Variants in TMPRSS15 observed in about 807,000 individuals in gnomAD.
The protein encoded by TMPRSS15 is enteropeptidase.
TMPRSS15 carries 128 observed loss-of-function variants against 125.3 expected under a neutral mutation model. The ratio of observed to expected loss-of-function variants is 1.02; its 90% CI spans 0.89 to 1.18. The LOEUF (loss-of-function observed/expected upper bound fraction) is 1.18, where lower values mean the gene tolerates loss of function less well. TMPRSS15 is among the 50% of genes most tolerant of loss of function. The probability of loss-of-function intolerance (pLI) is 0.00; values close to 1 mark genes in which losing one functional copy is unlikely to be tolerated. For synonymous variants in TMPRSS15, 446 were observed against 423.2 expected, an observed-to-expected ratio of 1.05 and a Z score of -0.66; for missense variants, 1,283 against 1,212.7, an observed-to-expected ratio of 1.06 and a Z score of -0.86.
chr21:18,368,281 G>A (rs764838727), intron 6 of TMPRSS15, among the ~76,000 whole-genome samples: 5 of 152,126 alleles, frequency 3.3e-5, no homozygotes, highest in South Asian at 2.1e-4. Context: ...GCCATGTTAC[G>A]TCTCTAGTTT....
In TMPRSS15 at chr21:18,297,834, A is replaced by G; in HGVS notation, c.2166-5T>C. 6.3e-7 allele frequency: 1 copy of G among 1,582,798 alleles called. No individual in the cohort carries two copies. Among genetic ancestry groups the G allele is most frequent in the Non-Finnish European group, 8.7e-7 (1 of 1,151,674 alleles). On this transcript the variant is annotated splice_polypyrimidine_tract_variant and splice_region_variant and intron_variant, in intron 18 of 24. Transcript: ENST00000284885. Reference sequence around the variant, plus strand: ...GGCTTTGATGAGTTTCCACTCCTAGAGAAAAAAGAAAAAAGCATACAGACA... The same window carrying G: ...GGCTTTGATGAGTTTCCACTCCTAGGGAAAAAAGAAAAAAGCATACAGACA...
intron 6 of TMPRSS15, among the ~76,000 whole-genome samples, chr21:18,366,043 T>C (rs886276841): frequency 6.6e-6 from 1 of 152,100 alleles, no homozygotes; most frequent in African/African-American, 2.4e-5. Flanking sequence ...CCCAAAAGCA[T>C]TGTCTTTCTA....
At chr21:18,466,505 A>T (rs1406837364) in intron 1 of TMPRSS15, among the ~76,000 whole-genome samples, 2 of 152,194 alleles carry the variant, frequency 1.3e-5, no homozygotes, top group African/African-American at 2.4e-5. Flanking sequence ...AAATTTTTGC[A>T]ATCTATCCAT....
chr21:18,400,584 G>A (rs1200824026), intron 1 of TMPRSS15, among the ~76,000 whole-genome samples: 2 of 152,030 alleles, frequency 1.3e-5, no homozygotes, highest in East Asian at 3.9e-4. Context: ...ATTAACGCAA[G>A]ATAAATTAAA....
At chr21:18,350,027 C>T (rs1010195014) in intron 10 of TMPRSS15, among the ~76,000 whole-genome samples, 2 of 151,978 alleles carry the variant, frequency 1.3e-5, no homozygotes, top group African/African-American at 4.8e-5. Flanking sequence ...GATATAAATG[C>T]TTTTTGCACT....
intron 22 of TMPRSS15, among the ~76,000 whole-genome samples, chr21:18,279,348 C>T (rs563123236): frequency 1.9e-4 from 15 of 80,614 alleles, no homozygotes; most frequent in African/African-American, 6.1e-4. Context: ...TTTTTTGAGA[C>T]GGAGTCTCAC....
At chr21:18,315,059 G>A (rs2144203) in intron 17 of TMPRSS15, 87 bp downstream of exon 17, 983,907 of 1,091,520 alleles carry the variant, frequency 0.9, 444,290 homozygotes, top group East Asian at 1. Context: ...GGTCCTAATA[G>A]ACACAGTTAT....
chr21:18,484,357 T>G (rs1466908211), intron 1 of TMPRSS15, among the ~76,000 whole-genome samples: 7 of 151,862 alleles, frequency 4.6e-5, no homozygotes, highest in Non-Finnish European at 1.0e-4. Flanking sequence ...TGTTCTGGTT[T>G]AAGTTTAACA....
chr21:18,279,527 C>A (rs1360828814), intron 22 of TMPRSS15, among the ~76,000 whole-genome samples: 1 of 149,478 alleles, frequency 6.7e-6, no homozygotes, highest in Non-Finnish European at 1.5e-5. Context: ...GTAGAGATGG[C>A]GTTTCACTGT....
chr21:18,444,658 A>G lies in TMPRSS15; in HGVS notation c.10+41141T>C, dbSNP rs75608331. ...AAATTAAAAAAAAATCAGGATAGTG[A>G]GCATTCCCATCACCTCAAACATGTG... On this transcript the variant is annotated intron_variant, in intron 1 of 7. Transcript: ENST00000422787. 6.3e-3 allele frequency among the ~76,000 whole-genome samples: 952 copies of G among 152,288 alleles called. 16 individuals are homozygous for G. Among genetic ancestry groups the G allele is most frequent in the African/African-American group, 0.022 (904 of 41,566 alleles).
intron 3 of TMPRSS15, among the ~76,000 whole-genome samples, chr21:18,394,711 A>G (rs553902163): frequency 4.7e-5 from 7 of 148,222 alleles, no homozygotes; most frequent in South Asian, 2.1e-4. Context: ...GGTCATTATG[A>G]AAAAAAAACA....
intron 1 of TMPRSS15, among the ~76,000 whole-genome samples, chr21:18,401,160 AAGC>A (rs988814087): frequency 5.9e-5 from 9 of 152,212 alleles, no homozygotes; most frequent in African/African-American, 1.4e-4. Context: ...CCACTGTGCA[AAGC>A]AGTTTGGCTA....
chr21:18,280,315 G>A (rs980152897), intron 22 of TMPRSS15, among the ~76,000 whole-genome samples: 3 of 152,046 alleles, frequency 2.0e-5, no homozygotes, highest in Admixed American at 6.6e-5. Context: ...GGTGGCTCAC[G>A]CCTGTAATCC....
chr21:18,315,079 T>A (rs1231251895), intron 17 of TMPRSS15, 67 bp downstream of exon 17: 1 of 1,239,194 alleles, frequency 8.1e-7, no homozygotes, highest in Non-Finnish European at 1.2e-6. Context: ...TAATCTTTCT[T>A]TGACACTGTA....
chr21:18,472,480 T>TATATATATATATATAC lies in TMPRSS15; in HGVS notation c.10+13318_10+13319insGTATATATATATATAT, dbSNP rs1491127013. Among the ~76,000 whole-genome samples, 532 of 112,142 alleles carry TATATATATATATATAC rather than the reference T, an allele frequency of 4.7e-3. 6 individuals are homozygous for TATATATATATATATAC. Among genetic ancestry groups the TATATATATATATATAC allele is most frequent in the African/African-American group, 0.016 (511 of 32,302 alleles). 73.6% of individuals were successfully genotyped at this position (112,142 alleles called of 152,430 possible). A position where few individuals can be genotyped will look rare whatever the true frequency, so the allele number is the denominator to read the frequency against. On this transcript the variant is annotated intron_variant, in intron 1 of 7. Coordinates refer to the TMPRSS15 transcript ENST00000422787. ...TTATATATATATATATATATATATA[T>TATATATATATATATAC]ACACACACACACACATACACACACA...
intron 21 of TMPRSS15, among the ~76,000 whole-genome samples, chr21:18,288,212 T>A (rs1392286500): frequency 6.6e-6 from 1 of 152,206 alleles, no homozygotes; most frequent in Non-Finnish European, 1.5e-5. Context: ...GGCCATTATC[T>A]TAAGTGAAAC....
chr21:18,271,949 G>A (rs149490848), intron 24 of TMPRSS15, among the ~76,000 whole-genome samples: 81 of 151,862 alleles, frequency 5.3e-4, no homozygotes, highest in African/African-American at 1.7e-3. Flanking sequence ...TGGTGTATAT[G>A]TGCCACATTT....
intron 18 of TMPRSS15, among the ~76,000 whole-genome samples, chr21:18,308,659 G>A (rs984980596): frequency 6.6e-6 from 1 of 150,836 alleles, no homozygotes; most frequent in Admixed American, 6.6e-5. Context: ...TGTTACATAG[G>A]TATACATGTG....
intron 13 of TMPRSS15, among the ~76,000 whole-genome samples, chr21:18,340,051 A>G (rs1365601881): frequency 2.0e-5 from 3 of 152,228 alleles, no homozygotes; most frequent in Non-Finnish European, 4.4e-5. Flanking sequence ...GTACTGTGAT[A>G]GTTAATATTG....
Sources: gnomAD v4.1 joint callset for allele counts (sites outside exome capture counted in the v4.1 genomes callset) on GRCh38, gnomAD v4.1.1 for gene constraint, MANE v1.5 for transcripts, NCBI Gene and HGNC (gene_info 2026-07-23, HGNC 2026-07-21) for gene names.